The following CTDSPL2 variants were observed in gnomAD, a reference collection of about 807,000 sequenced individuals.
CTDSPL2 encodes CTD small phosphatase-like protein 2.
Under a neutral mutation model 60.0 loss-of-function variants are expected in CTDSPL2, and 5 were observed. That is an observed-to-expected ratio of 0.08 (90% CI 0.04 to 0.18). The LOEUF is 0.18. Ranked by LOEUF, CTDSPL2 falls within the 10% of genes least tolerant of loss-of-function variation. CTDSPL2 has a pLI of 1.00. For missense variants in CTDSPL2, 370 were observed against 548.8 expected (o/e 0.67, Z 3.26); for synonymous variants, 186 against 189.3 (o/e 0.98, Z 0.14).
intron 2 of CTDSPL2, among the ~76,000 whole-genome samples, chr15:44,479,917 A>G (rs1309726576): frequency 1.3e-5 from 2 of 152,188 alleles, no homozygotes; most frequent in African/African-American, 4.8e-5. Context: ...AAAGTTATGT[A>G]GTTCAGGGTA....
intron 8 of CTDSPL2, among the ~76,000 whole-genome samples, chr15:44,508,562 T>A (rs897104681): frequency 2.6e-5 from 4 of 152,210 alleles, no homozygotes; most frequent in African/African-American, 9.7e-5. Flanking sequence ...TTTTAAAACC[T>A]ATTGCCACAA....
intron 2 of CTDSPL2, among the ~76,000 whole-genome samples, chr15:44,477,155 G>A (rs947691193): frequency 6.6e-6 from 1 of 152,166 alleles, no homozygotes; most frequent in Non-Finnish European, 1.5e-5. Flanking sequence ...CTTGATCCCA[G>A]GAGACAAAGG....
In CTDSPL2 at chr15:44,515,821, C is replaced by T. The variant is rs533644467; in HGVS notation, c.1112+977C>T. ...CCGGAAGGCGGAGGTTATGGTGAGC[C>T]GAGATCGTGCCGTTGCACTCCAGCC... On this transcript the variant is annotated intron_variant, in intron 10 of 12. Transcript: ENST00000260327. Among the ~76,000 whole-genome samples the T allele has an allele frequency of 2.2e-3, 340 of 151,660 alleles. 1 individual carries two copies. Among genetic ancestry groups the T allele is most frequent in the African/African-American group, 7.9e-3 (328 of 41,338 alleles).
intron 1 of CTDSPL2, among the ~76,000 whole-genome samples, chr15:44,454,559 G>A (rs887059269): frequency 2.0e-5 from 3 of 152,130 alleles, no homozygotes; most frequent in Admixed American, 6.5e-5. Flanking sequence ...TATGGTTTTA[G>A]GTTTAACATT....
intron 1 of CTDSPL2, among the ~76,000 whole-genome samples, chr15:44,457,083 C>T (rs1284557023): frequency 1.3e-5 from 2 of 151,944 alleles, no homozygotes; most frequent in Non-Finnish European, 1.5e-5. Flanking sequence ...CACCATGTTG[C>T]CCAGGCTGGT....
intron 2 of CTDSPL2, among the ~76,000 whole-genome samples, chr15:44,466,828 A>G (rs1410425894): frequency 6.6e-6 from 1 of 151,878 alleles, no homozygotes; most frequent in East Asian, 1.9e-4. Flanking sequence ...AGTCCCAGCT[A>G]CTCAGGAGGC....
intron 1 of CTDSPL2, among the ~76,000 whole-genome samples, chr15:44,443,954 G>A (rs2080146952): frequency 6.6e-6 from 1 of 152,152 alleles, no homozygotes; most frequent in Admixed American, 6.5e-5. Context: ...CCAGGCTGGA[G>A]TGTAGTGGTG....
chr15:44,497,682 C>G (rs961821375), intron 7 of CTDSPL2, among the ~76,000 whole-genome samples: 1 of 152,038 alleles, frequency 6.6e-6, no homozygotes, highest in Admixed American at 6.6e-5. Context: ...AGTATGATAT[C>G]TTGATGTGAT....
intron 2 of CTDSPL2, among the ~76,000 whole-genome samples, chr15:44,479,115 G>T (rs1415691221): frequency 6.6e-6 from 1 of 151,330 alleles, no homozygotes; most frequent in Non-Finnish European, 1.5e-5. Context: ...TGCCAGGTGT[G>T]CTGGCCATCA....
At chr15:44,504,497 A>AT (rs34865160) in intron 8 of CTDSPL2, among the ~76,000 whole-genome samples, 8 of 152,114 alleles carry the variant, frequency 5.3e-5, no homozygotes, top group Non-Finnish European at 1.5e-5. Flanking sequence ...TAAATACCTA[A>AT]TTTTTTTCTC....
chr15:44,429,073 G>T (rs931630369), intron 1 of CTDSPL2, among the ~76,000 whole-genome samples: 2 of 152,100 alleles, frequency 1.3e-5, no homozygotes, highest in Non-Finnish European at 1.5e-5. Context: ...CAGGTTTTCA[G>T]TTCTGGATAG....
In CTDSPL2 at chr15:44,450,227, C is replaced by CTG. The variant is rs970946249; in HGVS notation, c.-24-8762_-24-8761dup. ...ATATAATTTAAATTACTTAGTTTTA[C>CTG]TGTTTTTTTAACTTAAAATTAGGAA... is the stretch of plus-strand genomic sequence containing the variant. On this transcript the variant is annotated intron_variant, in intron 1 of 12. Transcript: ENST00000260327. Among the ~76,000 whole-genome samples the CTG allele has an allele frequency of 2.1e-3, 321 of 151,918 alleles. 2 individuals carry two copies. The highest frequency in any genetic ancestry group is 7.6e-3 in the African/African-American group (313 of 41,446).
At position 44,496,148 on chromosome 15, in the gene CTDSPL2, A is replaced by G. The variant is rs145398431; in HGVS notation, c.692-232A>G. Among the ~76,000 whole-genome samples, 836 of 152,302 alleles carry G rather than the reference A, an allele frequency of 5.5e-3. 2 individuals carry two copies. The highest frequency in any genetic ancestry group is 8.2e-3 in the Non-Finnish European group (555 of 68,014). The stretch of plus-strand genomic sequence containing the variant: ...GTAGATTTTTTCTTAGCTGATAAAC[A>G]TCTTAATTCTAGCCATGATCTGGTT... On this transcript the variant is annotated intron_variant, in intron 5 of 12. Transcript: ENST00000260327.
chr15:44,466,972 G>A (rs2080709775), intron 2 of CTDSPL2, among the ~76,000 whole-genome samples: 1 of 152,002 alleles, frequency 6.6e-6, no homozygotes. Flanking sequence ...TAATGTTACT[G>A]TACTGATTAT....
intron 12 of CTDSPL2, among the ~76,000 whole-genome samples, chr15:44,523,434 A>ACATG (rs1567108590): frequency 2.7e-5 from 4 of 147,218 alleles, no homozygotes; most frequent in Admixed American, 2.0e-4. Flanking sequence ...ATACATACAT[A>ACATG]CATACATACA....
chr15:44,440,930 T>C (rs1169314941), intron 1 of CTDSPL2, among the ~76,000 whole-genome samples: 1 of 152,192 alleles, frequency 6.6e-6, no homozygotes, highest in Non-Finnish European at 1.5e-5. Flanking sequence ...TGGCTTCAAA[T>C]TTCTCTCGTG....
At chr15:44,506,447 C>T (rs1458866609) in intron 8 of CTDSPL2, among the ~76,000 whole-genome samples, 3 of 122,476 alleles carry the variant, frequency 2.4e-5, no homozygotes, top group Admixed American at 1.9e-4. Context: ...GGCATGGTGT[C>T]GCTGTGTCAC....
At chr15:44,461,942 G>A (rs553523262) in intron 2 of CTDSPL2, among the ~76,000 whole-genome samples, 2 of 151,974 alleles carry the variant, frequency 1.3e-5, no homozygotes, top group East Asian at 1.9e-4. Flanking sequence ...AAGGATCAGC[G>A]TACTTCTTTT....
In CTDSPL2 at chr15:44,486,759, T is replaced by G. The variant is rs1024524408; in HGVS notation, c.475+59T>G. On this transcript the variant is annotated intron_variant, in intron 4 of 12. Coordinates refer to ENST00000260327, the MANE Select transcript of CTDSPL2 (RefSeq NM_016396.3). ...TTTTTAAAAAAATGCATAGTTTGGG[T>G]TTTTTTTTTTTTTTTTTCTTGAGAC... The G allele has an allele frequency of 6.1e-4, 223 of 368,256 alleles. 1 individual carries two copies. Among genetic ancestry groups the G allele is most frequent in the South Asian group, 1.7e-3 (28 of 16,460 alleles). 22.8% of individuals were successfully genotyped at this position (368,256 alleles called of 1,614,324 possible). A position where few individuals can be genotyped will look rare whatever the true frequency, so the allele number is the denominator to read the frequency against.
Sources: gnomAD v4.1 joint callset for allele counts (sites outside exome capture counted in the v4.1 genomes callset) on GRCh38, gnomAD v4.1.1 for gene constraint, MANE v1.5 for transcripts, NCBI Gene and HGNC (gene_info 2026-07-23, HGNC 2026-07-21) for gene names.